The following LRP2 variants were observed in gnomAD, a reference collection of about 807,000 sequenced individuals.
LRP2 encodes the protein LDL receptor related protein 2.
Under a neutral mutation model 531.0 loss-of-function variants are expected in LRP2, and 172 were observed. That is an observed-to-expected ratio of 0.32 (90% CI 0.29 to 0.37). The LOEUF (loss-of-function observed/expected upper bound fraction) is 0.37, where lower values mean the gene tolerates loss of function less well. Ranked by LOEUF, LRP2 falls within the 10% of genes least tolerant of loss-of-function variation. The pLI is 1.00. For synonymous variants in LRP2, 1,992 were observed against 2,027.6 expected, an observed-to-expected ratio of 0.98 and a Z score of 0.47; for missense variants, 5,167 against 5,868.3, an observed-to-expected ratio of 0.88 and a Z score of 3.90.
Position 169,207,236 on chromosome 2 carries a change from T to C in LRP2, c.6484A>G (p.Thr2162Ala). The C allele has an allele frequency of 1.2e-6, 2 of 1,613,690 alleles. No homozygotes were observed. The highest frequency in any genetic ancestry group is 1.7e-6 in the Non-Finnish European group (2 of 1,179,714). The change falls in exon 39 of 79, where the codon ACC (threonine) becomes GCC (alanine). Residue 2162 changes from threonine to alanine, a missense_variant. Coordinates refer to ENST00000649046, the MANE Select transcript of LRP2 (RefSeq NM_004525.3). Reference protein sequence around the residue: ...VDWVAGNLYFTNAFVSETLIE... With the variant: ...VDWVAGNLYFANAFVSETLIE... Reference sequence around the variant, plus strand: ...AGTGTTTCAGAAACAAAGGCATTGGTGAAATAAAGATTTCCTATGGGAAAA... The same window carrying C: ...AGTGTTTCAGAAACAAAGGCATTGGCGAAATAAAGATTTCCTATGGGAAAA...
At chr2:169,153,518 G>A (rs1686219446) in intron 66 of LRP2, among the ~76,000 whole-genome samples, 2 of 152,194 alleles carry the variant, frequency 1.3e-5, no homozygotes, top group Admixed American at 1.3e-4. Context: ...GCATGAATAT[G>A]TGTGAAAATA....
rs1333788562 is a variant in LRP2 at position 169,220,679 on chromosome 2, G to C, written c.5539-116C>G. The C allele has an allele frequency of 2.3e-5, 16 of 709,710 alleles. No homozygotes were observed. In the South Asian group the frequency reaches 2.4e-4, roughly 11 times the overall value. The allele number at this position is 709,710 out of a possible 1,614,324, so 44.0% of individuals were successfully genotyped here. A position where few individuals can be genotyped will look rare whatever the true frequency, so the allele number is the denominator to read the frequency against. ...CCAAAGCACGATTAGGGATGGATGA[G>C]AGAGGATTTGCATGAGATTCAGATA... is the stretch of plus-strand genomic sequence containing the variant. On this transcript the variant is annotated intron_variant, in intron 33 of 78. Transcript: ENST00000649046.
chr2:169,360,380 C>T (rs914123437), intron 1 of LRP2, among the ~76,000 whole-genome samples: 18 of 152,012 alleles, frequency 1.2e-4, no homozygotes, highest in Admixed American at 2.6e-4. Flanking sequence ...AGAACAAAGC[C>T]TGCCACATAT....
chr2:169,225,903 G>A (rs545585058), intron 32 of LRP2, among the ~76,000 whole-genome samples: 5 of 152,322 alleles, frequency 3.3e-5, no homozygotes, highest in Admixed American at 2.6e-4. Context: ...GAGAACTGGA[G>A]AAGTGTTCAT....
chr2:169,348,914 C>A (rs1278419205), intron 1 of LRP2, among the ~76,000 whole-genome samples: 1 of 152,136 alleles, frequency 6.6e-6, no homozygotes, highest in African/African-American at 2.4e-5. Context: ...CCATCAGGAC[C>A]TTGACTGGGC....
chr2:169,296,863 A>G (rs1387581518), intron 4 of LRP2, among the ~76,000 whole-genome samples: 1 of 152,160 alleles, frequency 6.6e-6, no homozygotes, highest in East Asian at 1.9e-4. Flanking sequence ...GCCCAGCTTG[A>G]TATCATCAGG....
intron 38 of LRP2, among the ~76,000 whole-genome samples, chr2:169,208,885 G>A (rs1688497156): frequency 6.6e-6 from 1 of 152,032 alleles, no homozygotes; most frequent in African/African-American, 2.4e-5. Context: ...TTACTCAGAT[G>A]AGTGATAAAA....
At chr2:169,138,843 T>C in intron 74 of LRP2, 137 bp from the exon 75 acceptor site, 2 of 987,332 alleles carry the variant, frequency 2.0e-6, no homozygotes, top group Non-Finnish European at 3.1e-6. Context: ...ATTCCCACTC[T>C]AAATTTACAC....
chr2:169,177,522 A>G (rs1687241574), intron 53 of LRP2, among the ~76,000 whole-genome samples: 1 of 152,144 alleles, frequency 6.6e-6, no homozygotes, highest in Non-Finnish European at 1.5e-5. Context: ...TGGCAACATG[A>G]TAACTGTTAA....
intron 1 of LRP2, among the ~76,000 whole-genome samples, chr2:169,343,563 C>T (rs991867139): frequency 6.6e-6 from 1 of 152,156 alleles, no homozygotes; most frequent in Non-Finnish European, 1.5e-5. Flanking sequence ...TTTAAATATT[C>T]CCAGGTACCT....
In LRP2 at chr2:169,139,776, C is replaced by T. The variant is rs865909876; in HGVS notation, c.13200-166G>A. On this transcript the variant is annotated intron_variant, in intron 72 of 78. Transcript: ENST00000649046. Reference sequence around the variant, plus strand: ...GTTCATTCTGCCAAGAGAAGACAAGCAGAAAGAACAGTGCTCTGATTTTAG... The same window carrying T: ...GTTCATTCTGCCAAGAGAAGACAAGTAGAAAGAACAGTGCTCTGATTTTAG... 5 of 706,412 alleles carry T rather than the reference C, an allele frequency of 7.1e-6. 1 individual carries two copies. The Middle Eastern group carries it at 1.0e-3, about 141-fold the overall frequency. The allele number at this position is 706,412 out of a possible 1,614,324, so 43.8% of individuals were successfully genotyped here.
intron 12 of LRP2, among the ~76,000 whole-genome samples, chr2:169,279,120 T>A (rs1452730645): frequency 3.9e-5 from 6 of 152,200 alleles, no homozygotes; most frequent in Non-Finnish European, 1.5e-5. Context: ...ATAAAATTCA[T>A]AGCCCCAAAA....
intron 68 of LRP2, among the ~76,000 whole-genome samples, chr2:169,150,270 T>A (rs541036440): frequency 2.0e-5 from 3 of 152,352 alleles, no homozygotes; most frequent in South Asian, 4.1e-4. Flanking sequence ...AAAACTTTTT[T>A]AAAGTGTCAC....
At chr2:169,239,885 GC>G in intron 25 of LRP2, 110 bp from the exon 26 acceptor site, 1 of 929,874 alleles carries the variant, frequency 1.1e-6, no homozygotes, top group Non-Finnish European at 1.7e-6. Context: ...TCAATATGAT[GC>G]CCAGACAAGA....
At position 169,156,311 on chromosome 2, in the gene LRP2, A is replaced by G; in HGVS notation, c.12114T>C (p.Ser4038=). Reference sequence around the variant, plus strand: ...ATCGTTTTCCAGGGCGGTCACTCATAGACGTGAAGCCATCAGCACAGACAC... The same window carrying G: ...ATCGTTTTCCAGGGCGGTCACTCATGGACGTGAAGCCATCAGCACAGACAC... ...YECVCADGFT[S]MSDRPGKRCA... The change falls in exon 65 of 79, where the codon TCT becomes TCC. Residue 4038 remains serine (S), a synonymous_variant. Coordinates refer to ENST00000649046, the MANE Select transcript of LRP2 (RefSeq NM_004525.3). 1 of 1,613,774 alleles carries G rather than the reference A, an allele frequency of 6.2e-7. No homozygotes were observed. The highest frequency in any genetic ancestry group is 8.5e-7 in the Non-Finnish European group (1 of 1,179,728).
At position 169,149,086 on chromosome 2, in the gene LRP2, C is replaced by T. The variant is rs552438149; in HGVS notation, c.12590+1812G>A. Among the ~76,000 whole-genome samples the T allele has an allele frequency of 2.8e-4, 42 of 152,314 alleles. No homozygotes were observed. The South Asian group carries it at 5.8e-3, about 21-fold the overall frequency. On this transcript the variant is annotated intron_variant, in intron 68 of 78. Transcript: ENST00000649046. ...CCTTTGTATCTTATATTATAGTCAACAGTTGCTGTCTGAAGGAGCATGGTG... is the reference window on the plus strand; with the variant it reads ...CCTTTGTATCTTATATTATAGTCAATAGTTGCTGTCTGAAGGAGCATGGTG...
At chr2:169,353,671 T>C (rs1015524807) in intron 1 of LRP2, among the ~76,000 whole-genome samples, 1 of 152,172 alleles carries the variant, frequency 6.6e-6, no homozygotes, top group Admixed American at 6.5e-5. Context: ...CATTCTTAAA[T>C]TCAACTTTAA....
chr2:169,240,471 A>C (rs1327885520), intron 25 of LRP2, among the ~76,000 whole-genome samples: 2 of 152,210 alleles, frequency 1.3e-5, no homozygotes, highest in Admixed American at 1.3e-4. Flanking sequence ...ACACATATGA[A>C]ATCATAAGAA....
intron 44 of LRP2, among the ~76,000 whole-genome samples, chr2:169,199,823 A>G (rs1247031085): frequency 5.3e-5 from 8 of 152,240 alleles, no homozygotes; most frequent in African/African-American, 9.6e-5. Context: ...TATTATAGGC[A>G]TTTTGAAATT....
Sources: allele counts gnomAD v4.1 joint callset (sites outside exome capture counted in the v4.1 genomes callset), GRCh38; gene constraint gnomAD v4.1.1; transcripts MANE v1.5; gene names NCBI Gene and HGNC (gene_info 2026-07-23, HGNC 2026-07-21).